The following RBFOX1 variants were observed in gnomAD, a reference collection of about 807,000 sequenced individuals.
RBFOX1 encodes the protein RNA binding protein fox-1 homolog 1.
A neutral mutation model predicts 57.7 loss-of-function variants in RBFOX1; 8 were observed. That is an observed-to-expected ratio of 0.14 (90% CI 0.08 to 0.25). The LOEUF is 0.25. Among genes scored for constraint, RBFOX1 ranks in the 10% least tolerant of loss-of-function variants. The pLI, the probability that RBFOX1 is intolerant of heterozygous loss-of-function variation, is 1.00. For missense variants in RBFOX1, 611 were observed against 548.5 expected, an observed-to-expected ratio of 1.11 and a Z score of -1.14; for synonymous variants, 326 against 222.4, an observed-to-expected ratio of 1.47 and a Z score of -4.15.
downstream of RBFOX1, among the ~76,000 whole-genome samples, chr16:5,603,399 A>G (rs1297536476): frequency 6.6e-6 from 1 of 152,186 alleles, no homozygotes; most frequent in Non-Finnish European, 1.5e-5. Flanking sequence ...CTAATGGGGA[A>G]GCAGTCTGAA....
intron 2 of RBFOX1, among the ~76,000 whole-genome samples, chr16:6,500,886 T>TGTTAGTTTG (rs796977292): frequency 6.9e-6 from 1 of 145,492 alleles, no homozygotes; most frequent in African/African-American, 2.5e-5. Context: ...GTTTTTTTTT[T>TGTTAGTTTG]TTTTTTTTTT....
At chr16:5,681,505 C>T (rs2050338011) in intron 3 of RBFOX1, among the ~76,000 whole-genome samples, 1 of 151,414 alleles carries the variant, frequency 6.6e-6, no homozygotes, top group South Asian at 2.1e-4. Flanking sequence ...TCTCCTGCCT[C>T]AGCCTCTGGA....
At chr16:6,935,283 G>T (rs913872024) in intron 3 of RBFOX1, among the ~76,000 whole-genome samples, 1 of 152,126 alleles carries the variant, frequency 6.6e-6, no homozygotes, top group Non-Finnish European at 1.5e-5. Context: ...CAGATGTTCA[G>T]AGTGGTAGTT....
chr16:6,128,418 C>G (rs185366180), intron 1 of RBFOX1, among the ~76,000 whole-genome samples: 14 of 152,164 alleles, frequency 9.2e-5, no homozygotes, highest in Non-Finnish European at 1.8e-4. Flanking sequence ...CCTAAGGCTA[C>G]TCTTTTTAAG....
At position 6,915,550 on chromosome 16, in the gene RBFOX1, CTTTT is replaced by C. The variant is rs141753685; in HGVS notation, c.-15-136492_-15-136489del. Reference sequence around the variant, plus strand: ...TCTAAGTCCTCACCCCCACACCCCCCTTTTTTTTTTTTTTTTTTGACACAGTGTC... The same window carrying C: ...TCTAAGTCCTCACCCCCACACCCCCCTTTTTTTTTTTTTTGACACAGTGTC... On this transcript the variant is annotated intron_variant, in intron 3 of 15. Transcript: ENST00000550418. Among the ~76,000 whole-genome samples the C allele has an allele frequency of 4.2e-3, 520 of 123,484 alleles. 6 individuals carry two copies. Among genetic ancestry groups the C allele is most frequent in the African/African-American group, 0.015 (485 of 32,644 alleles). The allele number at this position is 123,484 out of a possible 152,430, so 81.0% of individuals were successfully genotyped here. A position where few individuals can be genotyped will look rare whatever the true frequency, so the allele number is the denominator to read the frequency against.
At chr16:5,467,399 C>G (rs1482515609) in intron 2 of RBFOX1, 1 of 713,724 alleles carries the variant, frequency 1.4e-6, no homozygotes. Flanking sequence ...CATCCCTTAG[C>G]AAGAAGGTCA....
chr16:6,250,823 T>C (rs1439335313), intron 1 of RBFOX1, among the ~76,000 whole-genome samples: 1 of 152,184 alleles, frequency 6.6e-6, no homozygotes, highest in Non-Finnish European at 1.5e-5. Flanking sequence ...ATAGTATATT[T>C]GAATGTGAAC....
intron 1 of RBFOX1, among the ~76,000 whole-genome samples, chr16:6,032,445 G>C (rs1296140878): frequency 6.6e-6 from 1 of 152,090 alleles, no homozygotes; most frequent in African/African-American, 2.4e-5. Flanking sequence ...AAGAAAGAAA[G>C]GGATCCACTC....
intron 4 of RBFOX1, among the ~76,000 whole-genome samples, chr16:7,064,896 C>G (rs2055565122): frequency 1.3e-5 from 2 of 152,164 alleles, no homozygotes; most frequent in African/African-American, 4.8e-5. Flanking sequence ...GTATGATACT[C>G]CCTCTGTATG....
At chr16:7,572,472 C>T (rs936945389) in intron 5 of RBFOX1, among the ~76,000 whole-genome samples, 7 of 152,074 alleles carry the variant, frequency 4.6e-5, no homozygotes, top group East Asian at 1.9e-4. Flanking sequence ...CACGGGTAGG[C>T]GACTGGCATG....
rs983901512 is a variant in RBFOX1 at position 6,626,991 on chromosome 16, A to G, written c.-63-27612A>G. Reference sequence around the variant, plus strand: ...TCCATGCACAGTTTATAGACGAAGAAACTGAGGCACAGAAGGCTGGGCTAT... The same window carrying G: ...TCCATGCACAGTTTATAGACGAAGAGACTGAGGCACAGAAGGCTGGGCTAT... On this transcript the variant is annotated intron_variant, in intron 2 of 15. Transcript: ENST00000550418. Among the ~76,000 whole-genome samples, 4 of 152,220 alleles carry G rather than the reference A, an allele frequency of 2.6e-5. No individual in the cohort carries two copies. In the East Asian group the frequency reaches 5.8e-4, roughly 22 times the overall value.
Position 7,460,389 on chromosome 16 carries a change from A to ATATATATATATATATATGTGTG in RBFOX1, c.28-57757_28-57756insATATATATATATATATGTGTGT. On this transcript the variant is annotated intron_variant, in intron 4 of 15. Coordinates refer to ENST00000550418, the MANE Select transcript of RBFOX1 (RefSeq NM_018723.4). ...TAGCAAAATATATATATATATATATATGTGTGTGTGTGTGTGTGTGTGTGT... is the reference window on the plus strand; with the variant it reads ...TAGCAAAATATATATATATATATATATATATATATATATATATGTGTGTGTGTGTGTGTGTGTGTGTGTGTGT... Among the ~76,000 whole-genome samples the ATATATATATATATATATGTGTG allele has an allele frequency of 1.2e-3, 104 of 87,190 alleles. 3 individuals are homozygous for ATATATATATATATATATGTGTG. Among genetic ancestry groups the ATATATATATATATATATGTGTG allele is most frequent in the African/African-American group, 5.0e-3 (76 of 15,350 alleles). 57.2% of individuals were successfully genotyped at this position (87,190 alleles called of 152,430 possible).
intron 2 of RBFOX1, among the ~76,000 whole-genome samples, chr16:6,564,060 T>C (rs1194400022): frequency 6.6e-6 from 1 of 152,062 alleles, no homozygotes; most frequent in African/African-American, 2.4e-5. Flanking sequence ...ACCCTTCACC[T>C]CCACCAACCT....
Position 6,713,899 on chromosome 16 carries a change from A to G in RBFOX1, c.-16+59249A>G, listed in dbSNP as rs140505953. ...GCATGTGGAGAATTTGGACAGGAAG[A>G]TATCATCCTTTTCTCAGCTGGGTTC... On this transcript the variant is annotated intron_variant, in intron 3 of 15. Transcript: ENST00000550418. Among the ~76,000 whole-genome samples the G allele has an allele frequency of 2.8e-4, 43 of 152,314 alleles. 1 individual carries two copies. The East Asian group carries it at 6.2e-3, about 22-fold the overall frequency.
In RBFOX1 at chr16:7,254,956, C is replaced by T. The variant is rs145928958; in HGVS notation, c.27+202858C>T. Among the ~76,000 whole-genome samples the T allele has an allele frequency of 9.2e-5, 14 of 152,154 alleles. 1 individual carries two copies. Among genetic ancestry groups the T allele is most frequent in the South Asian group, 6.2e-4 (3 of 4,818 alleles). The stretch of plus-strand genomic sequence containing the variant: ...TCAATTCACTCATTAATGGCTCAAC[C>T]GTTAATAAGAAGGTGTTTTCCACAG... On this transcript the variant is annotated intron_variant, in intron 4 of 15. Transcript: ENST00000550418.
chr16:5,855,397 GTA>G (rs1369086296), intron 3 of RBFOX1, among the ~76,000 whole-genome samples: 5 of 152,140 alleles, frequency 3.3e-5, no homozygotes, highest in Non-Finnish European at 5.9e-5. Context: ...GTAGGTTATT[GTA>G]TATAGTGTGA....
intron 1 of RBFOX1, among the ~76,000 whole-genome samples, chr16:5,396,937 A>G (rs2066575892): frequency 6.6e-6 from 1 of 152,172 alleles, no homozygotes; most frequent in East Asian, 1.9e-4. Flanking sequence ...ATCCTATCAG[A>G]CACCCCTGGA....
chr16:7,682,449 G>C (rs2075004525), intron 14 of RBFOX1, among the ~76,000 whole-genome samples: 2 of 151,790 alleles, frequency 1.3e-5, no homozygotes, highest in African/African-American at 4.8e-5. Flanking sequence ...TTGCAAGTTT[G>C]AGTCTAGGCT....
At position 7,489,969 on chromosome 16, in the gene RBFOX1, T is replaced by G. The variant is rs757885807; in HGVS notation, c.28-28178T>G. Among the ~76,000 whole-genome samples, 124 of 152,334 alleles carry G rather than the reference T, an allele frequency of 8.1e-4. 1 individual carries two copies. The highest frequency in any genetic ancestry group is 3.4e-3 in the Middle Eastern group (1 of 294). On this transcript the variant is annotated intron_variant, in intron 4 of 15. Coordinates refer to ENST00000550418, the MANE Select transcript of RBFOX1 (RefSeq NM_018723.4). ...TTAAAGAATGTCATTCTAGGGATCTTACTTCAGATGTGTCTCTCTCCAAAA... is the reference window on the plus strand; with the variant it reads ...TTAAAGAATGTCATTCTAGGGATCTGACTTCAGATGTGTCTCTCTCCAAAA...
Sources: allele counts gnomAD v4.1 joint callset (sites outside exome capture counted in the v4.1 genomes callset), GRCh38; gene constraint gnomAD v4.1.1; transcripts MANE v1.5; gene names NCBI Gene and HGNC (gene_info 2026-07-23, HGNC 2026-07-21).